The following TASP1 variants were observed in gnomAD, a reference collection of about 807,000 sequenced individuals.
The protein encoded by TASP1 is threonine aspartase 1.
TASP1 carries 16 observed loss-of-function variants against 56.6 expected under a neutral mutation model. The ratio of observed to expected loss-of-function variants is 0.28; its 90% CI spans 0.19 to 0.43. The LOEUF (loss-of-function observed/expected upper bound fraction) is 0.43, where lower values mean the gene tolerates loss of function less well. TASP1 is among the 20% of genes least tolerant of loss of function. The pLI is 1.00. For missense variants in TASP1, 393 were observed against 511.6 expected, an observed-to-expected ratio of 0.77 and a Z score of 2.24; for synonymous variants, 179 against 184.2, an observed-to-expected ratio of 0.97 and a Z score of 0.23.
At chr20:13,223,439 C>T in the TASP1 span, among the ~76,000 whole-genome samples, 1 of 152,258 alleles carries the variant, frequency 6.6e-6, no homozygotes, top group African/African-American at 2.4e-5. Flanking sequence ...TTAATATAGC[C>T]TCATTTACAG....
At chr20:13,406,811 C>T (rs1319579594) in intron 13 of TASP1, among the ~76,000 whole-genome samples, 7 of 151,696 alleles carry the variant, frequency 4.6e-5, no homozygotes, top group African/African-American at 9.7e-5. Flanking sequence ...GGACTACAGG[C>T]GCCCGCCACC....
At chr20:13,172,788 G>A in the TASP1 span, among the ~76,000 whole-genome samples, 1 of 152,086 alleles carries the variant, frequency 6.6e-6, no homozygotes, top group African/African-American at 2.4e-5. Flanking sequence ...ATTACTTGAT[G>A]AATACTTCAA....
chr20:13,244,537 G>A, the TASP1 span, among the ~76,000 whole-genome samples: 6,129 of 152,276 alleles, frequency 0.04, 188 homozygotes, highest in African/African-American at 0.079. Flanking sequence ...AGAATTTAAT[G>A]ATAAGCAAAC....
chr20:13,341,547 G>A, the TASP1 span, among the ~76,000 whole-genome samples: 5 of 152,018 alleles, frequency 3.3e-5, no homozygotes, highest in Admixed American at 2.0e-4. Context: ...TGAAAAAGTG[G>A]GGCATATTTT....
chr20:13,569,485 T>C (rs747818374), intron 7 of TASP1, 22 bp downstream of exon 7: 3 of 1,594,656 alleles, frequency 1.9e-6, no homozygotes, highest in East Asian at 4.5e-5. Context: ...TATAGCTTAA[T>C]TTTTTTTAAG....
chr20:13,268,018 A>T, the TASP1 span, among the ~76,000 whole-genome samples: 1 of 152,222 alleles, frequency 6.6e-6, no homozygotes, highest in African/African-American at 2.4e-5. Context: ...TTAAGGGAAA[A>T]AAGCAAGGGA....
intron 10 of TASP1, 70 bp downstream of exon 10, chr20:13,528,363 T>C: frequency 7.5e-7 from 1 of 1,338,312 alleles, no homozygotes. Context: ...TACCCACAAA[T>C]ATTGCTTTTA....
chr20:13,151,768 T>C, the TASP1 span, among the ~76,000 whole-genome samples: 1 of 152,068 alleles, frequency 6.6e-6, no homozygotes, highest in South Asian at 2.1e-4. Flanking sequence ...AGTGAAAAAA[T>C]GTTAGATGTC....
chr20:13,188,182 G>A, the TASP1 span, among the ~76,000 whole-genome samples: 201 of 152,224 alleles, frequency 1.3e-3, no homozygotes, highest in African/African-American at 4.5e-3. Context: ...GCTCAACACA[G>A]CACTGGAAGT....
intron 10 of TASP1, among the ~76,000 whole-genome samples, chr20:13,524,684 T>C (rs117398948): frequency 3.3e-5 from 5 of 152,194 alleles, no homozygotes; most frequent in African/African-American, 1.2e-4. Flanking sequence ...TTCTAAAATA[T>C]ACTTTTTTCA....
chr20:13,215,069 AGG>A, the TASP1 span, among the ~76,000 whole-genome samples: 1 of 152,188 alleles, frequency 6.6e-6, no homozygotes, highest in African/African-American at 2.4e-5. Flanking sequence ...ATATGCACCC[AGG>A]ATACATGCTG....
chr20:13,215,072 A>AATGCTGTTTTC, the TASP1 span, among the ~76,000 whole-genome samples: 1 of 152,188 alleles, frequency 6.6e-6, no homozygotes, highest in African/African-American at 2.4e-5. Flanking sequence ...TGCACCCAGG[A>AATGCTGTTTTC]TACATGCTGT....
intron 8 of TASP1, among the ~76,000 whole-genome samples, chr20:13,556,499 A>G (rs779820502): frequency 2.6e-5 from 4 of 152,250 alleles, no homozygotes; most frequent in Non-Finnish European, 5.9e-5. Context: ...ATTCTTGAAT[A>G]AAATTCAAGA....
chr20:13,463,283 A>T (rs2044124639), intron 11 of TASP1, among the ~76,000 whole-genome samples: 1 of 152,140 alleles, frequency 6.6e-6, no homozygotes, highest in Non-Finnish European at 1.5e-5. Flanking sequence ...GTCTTTTTCG[A>T]TAATGATGCT....
chr20:13,195,868 T>C, the TASP1 span, among the ~76,000 whole-genome samples: 1 of 152,198 alleles, frequency 6.6e-6, no homozygotes, highest in Admixed American at 6.5e-5. Context: ...ATAGTATACC[T>C]TTGTTTCTAG....
the TASP1 span, among the ~76,000 whole-genome samples, chr20:13,171,222 T>C: frequency 6.6e-6 from 1 of 152,208 alleles, no homozygotes; most frequent in South Asian, 2.1e-4. Flanking sequence ...CAATTTTATA[T>C]AATTTACACC....
At chr20:13,155,864 A>T in the TASP1 span, among the ~76,000 whole-genome samples, 1 of 152,190 alleles carries the variant, frequency 6.6e-6, no homozygotes, top group Non-Finnish European at 1.5e-5. Context: ...AGCATGCCAC[A>T]TCATTCCCAC....
chr20:13,390,149 C>A lies in TASP1; in HGVS notation c.*211G>T, dbSNP rs73901122. 2,253 of 523,916 alleles carry A rather than the reference C, an allele frequency of 4.3e-3. 47 individuals are homozygous for A. Among genetic ancestry groups the A allele is most frequent in the African/African-American group, 0.037 (1,940 of 52,100 alleles). 32.5% of individuals were successfully genotyped at this position (523,916 alleles called of 1,614,324 possible). ...ACACATACACATATGTGCGCACATA[C>A]GCGCACACACTCACACACAGTCCCG... is the stretch of plus-strand genomic sequence containing the variant. On this transcript the variant is annotated 3_prime_UTR_variant, in exon 14 of 14. Transcript: ENST00000337743.
intron 10 of TASP1, among the ~76,000 whole-genome samples, chr20:13,504,349 G>A (rs778744534): frequency 8.6e-5 from 13 of 151,848 alleles, no homozygotes; most frequent in Admixed American, 2.0e-4. Context: ...CCTGCCAACC[G>A]AGAATATTTT....
Sources: allele counts gnomAD v4.1 joint callset (sites outside exome capture counted in the v4.1 genomes callset), GRCh38; gene constraint gnomAD v4.1.1; transcripts MANE v1.5; gene names NCBI Gene and HGNC (gene_info 2026-07-23, HGNC 2026-07-21).